ALKBH4: variants seen among roughly 807,000 people sequenced by gnomAD.
ALKBH4 encodes the protein alpha-ketoglutarate-dependent dioxygenase alkB homolog 4.
A neutral mutation model predicts 12.1 loss-of-function variants in ALKBH4; 8 were observed. That is an observed-to-expected ratio of 0.66 (90% CI 0.39 to 1.19). The LOEUF (loss-of-function observed/expected upper bound fraction) is 1.19. Among genes scored for constraint, ALKBH4 ranks in the 50% most tolerant of loss-of-function variants. ALKBH4 has a pLI of 0.01. For missense variants in ALKBH4, 403 were observed against 430.4 expected, an observed-to-expected ratio of 0.94 and a Z score of 0.56; for synonymous variants, 195 against 191.6, an observed-to-expected ratio of 1.02 and a Z score of -0.15.
At chr7:102,461,603 T>A in intron 1 of ALKBH4, among the ~76,000 whole-genome samples, 1 of 152,122 alleles carries the variant, frequency 6.6e-6, no homozygotes, top group Non-Finnish European at 1.5e-5. Context: ...GACCTTGTGA[T>A]CCTCCCGCCT....
intron 1 of ALKBH4, among the ~76,000 whole-genome samples, chr7:102,460,768 G>A (rs553202439): frequency 6.6e-6 from 1 of 152,216 alleles, no homozygotes; most frequent in East Asian, 1.9e-4. Flanking sequence ...ATGCCACCCC[G>A]GTGTCCCAGG....
intron 1 of ALKBH4, among the ~76,000 whole-genome samples, chr7:102,461,963 C>T (rs980796311): frequency 6.6e-6 from 1 of 152,178 alleles, no homozygotes; most frequent in Non-Finnish European, 1.5e-5. Flanking sequence ...TCTGTTCTTC[C>T]CTCCAGGGAC....
rs201291827 is a variant in ALKBH4 at position 102,459,711 on chromosome 7, C to T, written c.214G>A (p.Gly72Arg). Residue 72 changes from glycine to arginine, a missense_variant, in exon 2 of 3, where the codon GGA becomes AGA. Coordinates refer to ENST00000292566, the MANE Select transcript of ALKBH4 (RefSeq NM_017621.4). ...ACAAAGTCCTCGATCAGCATCACTC[C>T]TGGGAAGGGGAAGGCCCAGCCCTCA... is the stretch of plus-strand genomic sequence containing the variant. ...DFEGWAFPFP[G>R]VMLIEDFVTR... is the part of the protein sequence containing the mutation. 1.2e-6 allele frequency: 2 copies of T among 1,614,222 alleles called. No individual in the cohort carries two copies. The highest frequency in any genetic ancestry group is 1.3e-5 in the African/African-American group (1 of 75,070).
At chr7:102,461,133 T>TC (rs955181960) in intron 1 of ALKBH4, among the ~76,000 whole-genome samples, 3 of 152,032 alleles carry the variant, frequency 2.0e-5, no homozygotes, top group Admixed American at 2.0e-4. Flanking sequence ...GGTCAGGAGT[T>TC]CAAGACCAGC....
At position 102,457,580 on chromosome 7, in the gene ALKBH4, C is replaced by G; in HGVS notation, c.723G>C (p.Leu241=). 1 of 1,607,960 alleles carries G rather than the reference C, an allele frequency of 6.2e-7. No individual in the cohort carries two copies. ...GCCGTGCCGCCCCGGTGAGGACCAGCAGGGAGCGGGCGGGTAAGGGGATGG... is the reference window on the plus strand; with the variant it reads ...GCCGTGCCGCCCCGGTGAGGACCAGGAGGGAGCGGGCGGGTAAGGGGATGG... The part of the protein sequence containing the change: ...EVAIPLPARS[L]LVLTGAARHQ... The change falls in exon 3 of 3, where the codon CTG becomes CTC. Residue 241 remains leucine (L), a synonymous_variant. Coordinates refer to ENST00000292566, the MANE Select transcript of ALKBH4 (RefSeq NM_017621.4). This position sits in a 1 kb window ranked among gnomAD's most constrained non-coding sequence, Gnocchi z 5.9.
chr7:102,457,519 C>T lies in ALKBH4; in HGVS notation c.784G>A (p.Glu262Lys), dbSNP rs145230697. The T allele has an allele frequency of 9.3e-6, 15 of 1,612,842 alleles. No individual in the cohort carries two copies. The highest frequency in any genetic ancestry group is 1.6e-4 in the Middle Eastern group (1 of 6,084). The part of the protein sequence containing the change: ...WKHAIHRRHI[E>K]ARRVCVTFRE... ...AAAGTGACGCAGACGCGGCGGGCCT[C>T]GATGTGTCTGCGGTGGATGGCATGC... Residue 262 changes from glutamate (E) to lysine (K), a missense_variant, in exon 3 of 3, where the codon GAG (glutamate) becomes AAG (lysine). Transcript: ENST00000292566. The surrounding 1 kb of genome is among the most constrained non-coding windows in gnomAD (Gnocchi z 5.9).
intron 1 of ALKBH4, among the ~76,000 whole-genome samples, chr7:102,460,809 G>T (rs1797777855): frequency 6.6e-6 from 1 of 152,124 alleles, no homozygotes; most frequent in Non-Finnish European, 1.5e-5. Context: ...CAGCGTGAGG[G>T]TCACCTAGGA....
intron 1 of ALKBH4, 77 bp from the exon 2 acceptor site, chr7:102,459,878 G>T (rs922608278): frequency 1.4e-6 from 2 of 1,382,210 alleles, no homozygotes; most frequent in Admixed American, 4.9e-5. Flanking sequence ...AACAGGCCAG[G>T]TGCGGTGGCT....
At chr7:102,458,588 A>G (rs763750541) in intron 2 of ALKBH4, among the ~76,000 whole-genome samples, 1 of 148,148 alleles carries the variant, frequency 6.8e-6, no homozygotes, top group African/African-American at 2.5e-5. Flanking sequence ...TAATAATAAT[A>G]ATTATCTGGG....
At position 102,461,481 on chromosome 7, in the gene ALKBH4, C is replaced by T. The variant is rs370556996; in HGVS notation, c.124-1680G>A. ...GTTCAAGCGATTCTCCTGCCTCAAC[C>T]TCCCGAGTAGCTGGGACTACAGGTG... is the stretch of plus-strand genomic sequence containing the variant. On this transcript the variant is annotated intron_variant, in intron 1 of 2. Transcript: ENST00000292566. Among the ~76,000 whole-genome samples the T allele has an allele frequency of 7.2e-5, 11 of 152,188 alleles. No homozygotes were observed. In the East Asian group the frequency reaches 1.8e-3, roughly 24 times the overall value.
chr7:102,457,132 A>C lies in ALKBH4; in HGVS notation c.*262T>G, dbSNP rs1797671516. ...GTGTGAGCCACTGTGCCCGGCCCCCAGTATTTTTTAAGCTCAAATGATCCC... is the reference window on the plus strand; with the variant it reads ...GTGTGAGCCACTGTGCCCGGCCCCCCGTATTTTTTAAGCTCAAATGATCCC... On this transcript the variant is annotated 3_prime_UTR_variant, in exon 3 of 3. Transcript: ENST00000292566. This position sits in a 1 kb window ranked among gnomAD's most constrained non-coding sequence, Gnocchi z 5.9. 2 of 425,358 alleles carry C rather than the reference A, an allele frequency of 4.7e-6. No homozygotes were observed. The highest frequency in any genetic ancestry group is 7.7e-5 in the Admixed American group (2 of 25,896). 26.3% of individuals were successfully genotyped at this position (425,358 alleles called of 1,614,324 possible). A position where few individuals can be genotyped will look rare whatever the true frequency, so the allele number is the denominator to read the frequency against.
rs746526275 is a variant in ALKBH4, at chr7:102,457,956, C to T, written c.347G>A (p.Arg116Gln). 2.2e-5 allele frequency: 35 copies of T among 1,609,318 alleles called. No homozygotes were observed. Among genetic ancestry groups the T allele is most frequent in the Admixed American group, 5.0e-5 (3 of 59,654 alleles). Residue 116 changes from arginine (R) to glutamine (Q), a missense_variant, in exon 3 of 3, where the codon CGG becomes CAG. Transcript: ENST00000292566. This position sits in a 1 kb window ranked among gnomAD's most constrained non-coding sequence, Gnocchi z 5.9. ...KQDYGPKVNF[R>Q]KQKLKTEGFC... ...GCCCTCGGTCTTTAGCTTCTGTTTC[C>T]GAAAGTTGACTTTGGGGCCATAGTC...
intron 2 of ALKBH4, among the ~76,000 whole-genome samples, chr7:102,458,930 C>T (rs1013623213): frequency 2.0e-5 from 3 of 151,882 alleles, no homozygotes; most frequent in Non-Finnish European, 4.4e-5. Flanking sequence ...GGGCGGATCA[C>T]TTGTCAGGAG....
At position 102,459,622 on chromosome 7, in the gene ALKBH4, C is replaced by T; in HGVS notation, c.303G>A (p.Gln101=). Residue 101 remains glutamine (Q), a synonymous_variant, in exon 2 of 3, where the codon CAG becomes CAA. Transcript: ENST00000292566. Reference sequence around the variant, plus strand: ...GGTCTACCTGCTTCCTCCGTCCAGACTGGGAGAGCTTCCAGGGGTCACGGT... The same window carrying T: ...GGTCTACCTGCTTCCTCCGTCCAGATTGGGAGAGCTTCCAGGGGTCACGGT... The part of the protein sequence containing the change: ...LMDRDPWKLS[Q]SGRRKQDYGP... 6.2e-7 allele frequency: 1 copy of T among 1,613,924 alleles called. No homozygotes were observed. The highest frequency in any genetic ancestry group is 1.1e-5 in the South Asian group (1 of 91,050).
At position 102,459,671 on chromosome 7, in the gene ALKBH4, T is replaced by G; in HGVS notation, c.254A>C (p.Glu85Ala). 1 of 1,614,166 alleles carries G rather than the reference T, an allele frequency of 6.2e-7. No homozygotes were observed. ...LIEDFVTREE[E>A]AELVRLMDRD... ...GTCCATGAGCCGCACCAACTCGGCT[T>G]CTTCCTCCCGGGTCACAAAGTCCTC... The change falls in exon 2 of 3, where the codon GAA becomes GCA. Residue 85 changes from glutamate to alanine, a missense_variant. Coordinates refer to ENST00000292566, the MANE Select transcript of ALKBH4 (RefSeq NM_017621.4).
In ALKBH4 at chr7:102,457,205, C is replaced by T. The variant is rs992681575; in HGVS notation, c.*189G>A. ...CTAAATAACCAAAAAAGTGTGGCCA[C>T]GGTCCAGGTGGAAGGGGGCTGCCTG... On this transcript the variant is annotated 3_prime_UTR_variant, in exon 3 of 3. Coordinates refer to ENST00000292566, the MANE Select transcript of ALKBH4 (RefSeq NM_017621.4). This position sits in a 1 kb window ranked among gnomAD's most constrained non-coding sequence, Gnocchi z 5.9. The T allele has an allele frequency of 5.1e-5, 31 of 606,020 alleles. No homozygotes were observed. Among genetic ancestry groups the T allele is most frequent in the African/African-American group, 3.0e-4 (16 of 53,770 alleles). 37.5% of individuals were successfully genotyped at this position (606,020 alleles called of 1,614,324 possible).
intron 1 of ALKBH4, among the ~76,000 whole-genome samples, chr7:102,463,366 G>A (rs1797847355): frequency 9.3e-6 from 1 of 107,212 alleles, no homozygotes; most frequent in Non-Finnish European, 1.7e-5. Context: ...GTCTTGCTCT[G>A]TCACCTGAGC....
intron 1 of ALKBH4, among the ~76,000 whole-genome samples, chr7:102,462,385 T>G (rs1237936023): frequency 6.6e-6 from 1 of 151,198 alleles, no homozygotes; most frequent in Non-Finnish European, 1.5e-5. Flanking sequence ...TTTTTTTTTG[T>G]TTGAGGCAGG....
At chr7:102,463,561 C>T (rs914521502) in intron 1 of ALKBH4, among the ~76,000 whole-genome samples, 1 of 151,898 alleles carries the variant, frequency 6.6e-6, no homozygotes, top group Non-Finnish European at 1.5e-5. Flanking sequence ...AACTCCTGAC[C>T]TCAGGTGATC....
Sources: allele counts gnomAD v4.1 joint callset (sites outside exome capture counted in the v4.1 genomes callset), GRCh38; gene constraint gnomAD v4.1.1; non-coding constraint Gnocchi (gnomAD v3.1); transcripts MANE v1.5; gene names NCBI Gene and HGNC (gene_info 2026-07-23, HGNC 2026-07-21).